Variants in GSE1 observed in about 807,000 individuals in gnomAD.
The protein encoded by GSE1 is Gse1 coiled-coil protein, also known as genetic suppressor element 1.
In GSE1, 32 loss-of-function variants were observed where a neutral mutation model predicts 112.6. The observed-to-expected ratio is 0.28, with a 90% CI of 0.21 to 0.38. GSE1 has a LOEUF of 0.38. GSE1 is among the 10% of genes least tolerant of loss of function. GSE1 has a pLI of 1.00. For missense variants in GSE1, 2,348 were observed against 1,699.2 expected (o/e 1.38, Z -6.71); for synonymous variants, 1,115 against 735.6 (o/e 1.52, Z -8.35).
intron 1 of GSE1, among the ~76,000 whole-genome samples, chr16:85,262,614 C>T (rs982001858): frequency 1.3e-5 from 2 of 152,220 alleles, no homozygotes; most frequent in Admixed American, 6.5e-5. Context: ...AAGGCCAGAA[C>T]GCCTGATCCC....
rs774753192 is a variant in GSE1 at position 85,661,363 on chromosome 16, G to T, written c.1858G>T (p.Val620Leu). The T allele has an allele frequency of 3.1e-6, 5 of 1,612,142 alleles. No individual in the cohort carries two copies. Among genetic ancestry groups the T allele is most frequent in the Non-Finnish European group, 4.2e-6 (5 of 1,179,664 alleles). Residue 620 changes from valine (V) to leucine (L), a missense_variant, in exon 9 of 16, where the codon GTG becomes TTG. By Grantham distance (32) the Val-to-Leu change is conservative. Coordinates refer to ENST00000253458, the MANE Select transcript of GSE1 (RefSeq NM_014615.5). ...ATTTGAGCCCAGCCGCCAGGCAGCC[G>T]TGCCGCTGGTGAAGGTGGAGCGGGT... ...AAFEPSRQAAVPLVKVERVFC... is the reference protein window; with the variant it reads ...AAFEPSRQAALPLVKVERVFC...
At chr16:85,647,202 C>T (rs986077874) in intron 2 of GSE1, among the ~76,000 whole-genome samples, 6 of 152,196 alleles carry the variant, frequency 3.9e-5, no homozygotes, top group African/African-American at 1.4e-4. Context: ...CTTGGGGTAT[C>T]CTCTTGGCTG....
intron 1 of GSE1, among the ~76,000 whole-genome samples, chr16:85,183,870 C>A (rs1567595165): frequency 6.6e-6 from 1 of 152,192 alleles, no homozygotes; most frequent in Non-Finnish European, 1.5e-5. Context: ...CTCTCAGATA[C>A]CACCCTTTGC....
chr16:85,666,578 G>A (rs974981154), intron 13 of GSE1: 4 of 571,790 alleles, frequency 7.0e-6, no homozygotes, highest in Non-Finnish European at 1.2e-5. Context: ...CAGCGCTGAC[G>A]CTGTGCTGTG....
At chr16:85,314,971 G>A (rs1468332354) in intron 1 of GSE1, among the ~76,000 whole-genome samples, 2 of 152,234 alleles carry the variant, frequency 1.3e-5, no homozygotes, top group Non-Finnish European at 2.9e-5. Context: ...ATGCTTAGAT[G>A]CTTGGGAAGA....
At chr16:85,427,033 G>A (rs751568329) in intron 2 of GSE1, among the ~76,000 whole-genome samples, 3 of 152,250 alleles carry the variant, frequency 2.0e-5, no homozygotes, top group Non-Finnish European at 4.4e-5. Flanking sequence ...GGCTGTCCCC[G>A]CTTCTGTCCC....
intron 2 of GSE1, among the ~76,000 whole-genome samples, chr16:85,478,865 TTC>T (rs1468610521): frequency 2.7e-4 from 10 of 37,576 alleles, no homozygotes; most frequent in South Asian, 8.2e-4. Flanking sequence ...CTTTCTTTCT[TTC>T]TTTCTTTCTT....
chr16:85,312,275 G>A (rs1319341977), intron 1 of GSE1, among the ~76,000 whole-genome samples: 1 of 148,210 alleles, frequency 6.7e-6, no homozygotes, highest in African/African-American at 2.5e-5. Flanking sequence ...ATGTGACAGT[G>A]TGCCACAAAT....
intron 1 of GSE1, among the ~76,000 whole-genome samples, chr16:85,304,608 G>GC (rs1567675843): frequency 7.6e-6 from 1 of 132,098 alleles, no homozygotes; most frequent in Non-Finnish European, 1.7e-5. Flanking sequence ...GGGCGGGGGG[G>GC]TGGGGCATCC....
chr16:85,494,530 G>A (rs1163698482), intron 2 of GSE1, among the ~76,000 whole-genome samples: 1 of 148,788 alleles, frequency 6.7e-6, no homozygotes, highest in Non-Finnish European at 1.5e-5. Context: ...CCAGCTCACT[G>A]CAGCCTCCAC....
intron 2 of GSE1, among the ~76,000 whole-genome samples, chr16:85,434,892 C>A (rs2049208481): frequency 6.6e-6 from 1 of 152,216 alleles, no homozygotes; most frequent in African/African-American, 2.4e-5. Context: ...GTCTGCTGCC[C>A]CGTCCTACTG....
chr16:85,177,923 C>T (rs546008719), intron 1 of GSE1, among the ~76,000 whole-genome samples: 21 of 152,320 alleles, frequency 1.4e-4, no homozygotes, highest in African/African-American at 5.1e-4. Flanking sequence ...CCTCTACCCT[C>T]ATCCATATCT....
At chr16:85,205,740 G>A (rs1056901386) in intron 1 of GSE1, among the ~76,000 whole-genome samples, 1 of 152,168 alleles carries the variant, frequency 6.6e-6, no homozygotes, top group South Asian at 2.1e-4. Context: ...GCCTTGTGGG[G>A]AGCTCTGGGG....
intron 1 of GSE1, among the ~76,000 whole-genome samples, chr16:85,201,905 A>T (rs2075035771): frequency 6.6e-6 from 1 of 152,252 alleles, no homozygotes; most frequent in Non-Finnish European, 1.5e-5. Flanking sequence ...AATTGCGGAC[A>T]AGGAAGCTAG....
intron 1 of GSE1, among the ~76,000 whole-genome samples, chr16:85,264,704 G>C (rs542495437): frequency 1.1e-4 from 17 of 152,278 alleles, no homozygotes; most frequent in African/African-American, 3.9e-4. Flanking sequence ...CTCCCTGCTC[G>C]ACTTCCCAGC....
chr16:85,502,738 G>A (rs1388683222), intron 2 of GSE1, among the ~76,000 whole-genome samples: 2 of 152,232 alleles, frequency 1.3e-5, no homozygotes, highest in East Asian at 3.8e-4. Context: ...AGCTGGGCAG[G>A]GCCATCTTGG....
chr16:85,193,604 C>T (rs1312042373), intron 1 of GSE1, among the ~76,000 whole-genome samples: 1 of 152,142 alleles, frequency 6.6e-6, no homozygotes, highest in Non-Finnish European at 1.5e-5. Flanking sequence ...GGATTACAGG[C>T]ACCCGCCACC....
intron 2 of GSE1, among the ~76,000 whole-genome samples, chr16:85,482,993 A>AAAAAAAAAAAAAAAAAAAAAAAAAAC (rs1567524992): frequency 6.6e-6 from 1 of 150,580 alleles, no homozygotes; most frequent in African/African-American, 2.5e-5. Context: ...AAAAAAAAAA[A>AAAAAAAAAAAAAAAAAAAAAAAAAAC]AAAATACCAA....
At chr16:85,491,189 G>C (rs1314617261) in intron 2 of GSE1, among the ~76,000 whole-genome samples, 2 of 152,168 alleles carry the variant, frequency 1.3e-5, no homozygotes, top group Non-Finnish European at 2.9e-5. Context: ...CCGCTAGTAG[G>C]CACTGTTGTG....
Sources: allele counts gnomAD v4.1 joint callset (sites outside exome capture counted in the v4.1 genomes callset), GRCh38; gene constraint gnomAD v4.1.1; transcripts MANE v1.5; gene names NCBI Gene and HGNC (gene_info 2026-07-23, HGNC 2026-07-21).